The following GRIN3A variants were observed in gnomAD, a reference collection of about 807,000 sequenced individuals.
GRIN3A encodes the protein glutamate receptor ionotropic, NMDA 3A.
Under a neutral mutation model 92.4 loss-of-function variants are expected in GRIN3A, and 47 were observed. The observed-to-expected ratio is 0.51, with a 90% CI of 0.40 to 0.65. The LOEUF is 0.65. Ranked by LOEUF, GRIN3A falls within the 30% of genes least tolerant of loss-of-function variation. The pLI, the probability that GRIN3A is intolerant of heterozygous loss-of-function variation, is 0.00. For missense variants in GRIN3A, 1,324 were observed against 1,393.1 expected (o/e 0.95, Z 0.79); for synonymous variants, 527 against 540.6 (o/e 0.97, Z 0.35).
chr9:101,624,064 GACAT>G (rs1193113104), intron 4 of GRIN3A, among the ~76,000 whole-genome samples: 7 of 152,192 alleles, frequency 4.6e-5, no homozygotes, highest in Non-Finnish European at 1.5e-5. Flanking sequence ...AAAGGTGAAA[GACAT>G]ACATCCATTT....
rs139137274 is a variant in GRIN3A, at chr9:101,622,457, A to C, written c.2614+861T>G. Among the ~76,000 whole-genome samples, 13 of 152,290 alleles carry C rather than the reference A, an allele frequency of 8.5e-5. No individual in the cohort carries two copies. The East Asian group carries it at 2.3e-3, about 27-fold the overall frequency. ...CTGGTTCAAACTATCAGCTCCATAT[A>C]TCAACCGTCATTCAGAATGAAAGGA... On this transcript the variant is annotated intron_variant, in intron 5 of 8. Transcript: ENST00000361820.
At chr9:101,594,682 G>A in intron 6 of GRIN3A, 1 of 1,614,140 alleles carries the variant, frequency 6.2e-7, no homozygotes, top group Non-Finnish European at 8.5e-7. Flanking sequence ...CGCTGAACTG[G>A]GAGGTCCCCA....
chr9:101,693,914 A>C (rs564281158), intron 1 of GRIN3A, among the ~76,000 whole-genome samples: 1 of 152,330 alleles, frequency 6.6e-6, no homozygotes, highest in South Asian at 2.1e-4. Flanking sequence ...CATGGTCAAA[A>C]TTATATTCTA....
At chr9:101,605,350 T>C (rs1448337611) in intron 6 of GRIN3A, among the ~76,000 whole-genome samples, 1 of 152,210 alleles carries the variant, frequency 6.6e-6, no homozygotes, top group African/African-American at 2.4e-5. Context: ...GCCAGAAACA[T>C]AAAATATCTC....
chr9:101,622,242 A>G (rs1266222933), intron 5 of GRIN3A, among the ~76,000 whole-genome samples: 1 of 152,230 alleles, frequency 6.6e-6, no homozygotes, highest in Non-Finnish European at 1.5e-5. Context: ...GTGGTTGGGA[A>G]ATTGAAATCA....
intron 3 of GRIN3A, among the ~76,000 whole-genome samples, chr9:101,642,139 A>G (rs750971453): frequency 5.3e-5 from 8 of 152,198 alleles, no homozygotes; most frequent in Non-Finnish European, 1.2e-4. Flanking sequence ...ACATCGACCA[A>G]TGGAACAGAA....
At chr9:101,736,925 G>T (rs750312724) in intron 1 of GRIN3A, among the ~76,000 whole-genome samples, 5 of 152,000 alleles carry the variant, frequency 3.3e-5, no homozygotes, top group African/African-American at 4.8e-5. Context: ...TAGTTCTTCA[G>T]AACCTTCACC....
Position 101,646,391 on chromosome 9 carries a change from A to G in GRIN3A, c.2353-17990T>C, listed in dbSNP as rs116975503. Among the ~76,000 whole-genome samples, 51 of 151,884 alleles carry G rather than the reference A, an allele frequency of 3.4e-4. No homozygotes were observed. In the East Asian group the frequency reaches 5.2e-3, roughly 16 times the overall value. The stretch of plus-strand genomic sequence containing the variant: ...ACGCAAGGTTTATGTGTCCATTTTT[A>G]TGTCAGTATTGTGCTTCCACTTACT... On this transcript the variant is annotated intron_variant, in intron 3 of 8. Transcript: ENST00000361820.
At chr9:101,673,410 T>C (rs1215304203) in intron 2 of GRIN3A, among the ~76,000 whole-genome samples, 1 of 152,086 alleles carries the variant, frequency 6.6e-6, no homozygotes, top group Non-Finnish European at 1.5e-5. Flanking sequence ...ATATCTCCAG[T>C]TTTCCCAGCC....
In GRIN3A at chr9:101,573,320, G is replaced by C; in HGVS notation, c.3202C>G (p.Leu1068Val). The C allele has an allele frequency of 6.2e-7, 1 of 1,614,048 alleles. No homozygotes were observed. The highest frequency in any genetic ancestry group is 2.2e-5 in the East Asian group (1 of 44,864). The change falls in exon 9 of 9, where the codon CTA becomes GTA. Residue 1068 changes from leucine (L) to valine (V), a missense_variant. Physicochemically the swap from Leu to Val is conservative, Grantham distance 32. Transcript: ENST00000361820. ...LRTTNGKADS[L>V]NVSRNSVMQE... ...ATCACTGAGTTCCGAGATACATTTA[G>C]GGAGTCTGCTTTCCCATTGGTGGTC...
rs1011805420 is a variant in GRIN3A, at chr9:101,715,905, T to C, written c.699+21376A>G. 2.0e-5 allele frequency among the ~76,000 whole-genome samples: 3 copies of C among 152,312 alleles called. No individual in the cohort carries two copies. The East Asian group carries it at 5.8e-4, about 29-fold the overall frequency. On this transcript the variant is annotated intron_variant, in intron 1 of 8. Transcript: ENST00000361820. ...GTGAATCTTTTGCCTTGTAAATACA[T>C]TTTTAAACATCACCATTACATTGTT... is the stretch of plus-strand genomic sequence containing the variant.
At chr9:101,584,610 G>A (rs988711095) in intron 6 of GRIN3A, among the ~76,000 whole-genome samples, 6 of 152,146 alleles carry the variant, frequency 3.9e-5, no homozygotes, top group Non-Finnish European at 2.9e-5. Flanking sequence ...GGATGAAATA[G>A]GAATACTTTA....
chr9:101,623,209 G>T (rs1388337079), intron 5 of GRIN3A, 109 bp downstream of exon 5: 11 of 763,482 alleles, frequency 1.4e-5, no homozygotes, highest in Non-Finnish European at 2.1e-5. Context: ...AAATGAAAAC[G>T]AGGGAAGATG....
intron 3 of GRIN3A, among the ~76,000 whole-genome samples, chr9:101,668,770 C>T (rs968340777): frequency 6.6e-6 from 1 of 152,132 alleles, no homozygotes; most frequent in Non-Finnish European, 1.5e-5. Flanking sequence ...AAATTTCTTA[C>T]ATTCTTTTGG....
intron 1 of GRIN3A, among the ~76,000 whole-genome samples, chr9:101,703,266 C>T (rs188189609): frequency 1.3e-3 from 195 of 152,302 alleles, no homozygotes; most frequent in African/African-American, 4.0e-3. Context: ...ATTCCACCCA[C>T]GTGGTCCCAA....
chr9:101,656,377 C>G (rs575446371), intron 3 of GRIN3A, among the ~76,000 whole-genome samples: 1 of 151,978 alleles, frequency 6.6e-6, no homozygotes, highest in East Asian at 2.0e-4. Context: ...AAGGCCAGAG[C>G]TAAGCAGGAT....
intron 3 of GRIN3A, among the ~76,000 whole-genome samples, chr9:101,660,331 G>C (rs1419615022): frequency 6.6e-6 from 1 of 151,750 alleles, no homozygotes; most frequent in African/African-American, 2.4e-5. Flanking sequence ...ACAATGTCCT[G>C]GCTCAAACAC....
At chr9:101,684,353 C>T (rs572574434) in intron 2 of GRIN3A, among the ~76,000 whole-genome samples, 2 of 150,142 alleles carry the variant, frequency 1.3e-5, no homozygotes, top group South Asian at 2.1e-4. Context: ...CCTCGTGATC[C>T]GCCCACCTCG....
intron 1 of GRIN3A, among the ~76,000 whole-genome samples, chr9:101,713,850 A>G (rs977306520): frequency 6.6e-6 from 1 of 152,068 alleles, no homozygotes. Context: ...CAGAGGTGGG[A>G]GGATTGCTTG....
Sources: gnomAD v4.1 joint callset for allele counts (sites outside exome capture counted in the v4.1 genomes callset) on GRCh38, gnomAD v4.1.1 for gene constraint, MANE v1.5 for transcripts, NCBI Gene and HGNC (gene_info 2026-07-23, HGNC 2026-07-21) for gene names.